Variants in CNBD1 observed in about 807,000 individuals in gnomAD.
CNBD1 encodes the protein cyclic nucleotide-binding domain-containing protein 1.
In CNBD1, 71 loss-of-function variants were observed where a neutral mutation model predicts 54.4. The ratio of observed to expected loss-of-function variants is 1.30; its 90% CI spans 1.08 to 1.59. The LOEUF (loss-of-function observed/expected upper bound fraction) is 1.59, where lower values mean the gene tolerates loss of function less well. CNBD1 is among the 40% of genes most tolerant of loss of function. The probability of loss-of-function intolerance (pLI) is 0.00; values close to 1 mark genes in which losing one functional copy is unlikely to be tolerated. For missense variants in CNBD1, 659 were observed against 518.0 expected (o/e 1.27, Z -2.64); for synonymous variants, 182 against 170.7 (o/e 1.07, Z -0.51).
At chr8:86,950,791 CTT>C (rs1807599059) in intron 4 of CNBD1, among the ~76,000 whole-genome samples, 1 of 152,004 alleles carries the variant, frequency 6.6e-6, no homozygotes, top group South Asian at 2.1e-4. Flanking sequence ...TACTGGGAGA[CTT>C]TTTATTACAG....
chr8:87,242,179 T>A (rs199544236), intron 6 of CNBD1, among the ~76,000 whole-genome samples: 1 of 152,174 alleles, frequency 6.6e-6, no homozygotes, highest in Non-Finnish European at 1.5e-5. Context: ...TGGAAGATAT[T>A]GAAGTATTTT....
At chr8:87,097,217 G>A (rs1300438412) in intron 4 of CNBD1, among the ~76,000 whole-genome samples, 1 of 151,962 alleles carries the variant, frequency 6.6e-6, no homozygotes, top group Non-Finnish European at 1.5e-5. Context: ...GATATCACAT[G>A]GTCCTTTTTA....
rs1002334450 is a variant in CNBD1 at position 87,042,088 on chromosome 8, A to G, written c.431+102334A>G. Among the ~76,000 whole-genome samples, 10 of 152,316 alleles carry G rather than the reference A, an allele frequency of 6.6e-5. No individual in the cohort carries two copies. The South Asian group carries it at 2.1e-3, about 32-fold the overall frequency. ...AAATTGAATTTGGGGCCTATGCAAA[A>G]GAGAGTTAAAGTTACTGCTCAACTT... is the stretch of plus-strand genomic sequence containing the variant. On this transcript the variant is annotated intron_variant, in intron 4 of 10. Coordinates refer to ENST00000518476, the MANE Select transcript of CNBD1 (RefSeq NM_173538.3).
chr8:87,120,796 A>T (rs1372943106), intron 4 of CNBD1, among the ~76,000 whole-genome samples: 4 of 151,934 alleles, frequency 2.6e-5, no homozygotes, highest in Non-Finnish European at 5.9e-5. Flanking sequence ...TATGTTGAAT[A>T]ACATTTAATG....
intron 10 of CNBD1, among the ~76,000 whole-genome samples, chr8:87,380,575 A>G (rs556913300): frequency 1.3e-5 from 2 of 152,162 alleles, no homozygotes; most frequent in South Asian, 2.1e-4. Context: ...GGATTTTAAT[A>G]GAAGTTTTAT....
At chr8:86,998,986 C>T (rs1009910116) in intron 4 of CNBD1, among the ~76,000 whole-genome samples, 4 of 152,280 alleles carry the variant, frequency 2.6e-5, no homozygotes, top group Admixed American at 6.5e-5. Flanking sequence ...CCATTTTTGA[C>T]CTTTTTGCCC....
At chr8:87,315,691 T>C (rs921836869) in intron 8 of CNBD1, among the ~76,000 whole-genome samples, 2 of 151,968 alleles carry the variant, frequency 1.3e-5, no homozygotes, top group African/African-American at 2.4e-5. Context: ...AATTTCAACA[T>C]GAGTTTTGGA....
At chr8:87,278,428 AC>A (rs944550717) in intron 6 of CNBD1, among the ~76,000 whole-genome samples, 7 of 151,652 alleles carry the variant, frequency 4.6e-5, no homozygotes, top group Non-Finnish European at 8.9e-5. Flanking sequence ...GTCAAAGTAG[AC>A]AAAAAAGAAA....
At chr8:86,996,588 T>C (rs777360227) in intron 4 of CNBD1, among the ~76,000 whole-genome samples, 6 of 152,214 alleles carry the variant, frequency 3.9e-5, no homozygotes, top group Non-Finnish European at 7.4e-5. Context: ...TTCCAGTTTT[T>C]AAAATCGACA....
chr8:87,126,928 T>C (rs1239836930), intron 4 of CNBD1, among the ~76,000 whole-genome samples: 2 of 152,004 alleles, frequency 1.3e-5, no homozygotes, highest in East Asian at 2.0e-4. Context: ...TGCATCTTTG[T>C]AGAAAATTTG....
chr8:87,379,658 A>G (rs1210778893), intron 10 of CNBD1, among the ~76,000 whole-genome samples: 1 of 152,034 alleles, frequency 6.6e-6, no homozygotes, highest in Non-Finnish European at 1.5e-5. Context: ...ATAAAAGTGC[A>G]TATTAAATTA....
At chr8:87,416,605 G>A (rs1329651333) in intron 2 of CNBD1, among the ~76,000 whole-genome samples, 1 of 151,918 alleles carries the variant, frequency 6.6e-6, no homozygotes, top group Non-Finnish European at 1.5e-5. Flanking sequence ...TTACATGTCT[G>A]GTCATTCTCT....
At chr8:86,959,182 T>A (rs1807862366) in intron 4 of CNBD1, among the ~76,000 whole-genome samples, 1 of 152,206 alleles carries the variant, frequency 6.6e-6, no homozygotes, top group Admixed American at 6.5e-5. Flanking sequence ...TGGCCTCCAC[T>A]CTCTTATGGC....
chr8:86,943,210 A>T (rs1807378057), intron 4 of CNBD1, among the ~76,000 whole-genome samples: 1 of 151,864 alleles, frequency 6.6e-6, no homozygotes, highest in African/African-American at 2.4e-5. Flanking sequence ...GTGAAACTCC[A>T]TCTCTATTAA....
At chr8:86,961,882 G>A (rs541867844) in intron 4 of CNBD1, among the ~76,000 whole-genome samples, 1 of 152,332 alleles carries the variant, frequency 6.6e-6, no homozygotes, top group South Asian at 2.1e-4. Flanking sequence ...TAACACATGT[G>A]TAACTACACA....
At chr8:86,922,361 G>T (rs1563822910) in intron 3 of CNBD1, among the ~76,000 whole-genome samples, 2 of 152,086 alleles carry the variant, frequency 1.3e-5, no homozygotes, top group Non-Finnish European at 2.9e-5. Context: ...AAAAGGCAAG[G>T]CGAGGGAGAA....
chr8:86,935,088 T>A (rs971401545), intron 3 of CNBD1, among the ~76,000 whole-genome samples: 2 of 152,056 alleles, frequency 1.3e-5, no homozygotes, highest in Non-Finnish European at 2.9e-5. Flanking sequence ...CAGGCTGGAG[T>A]GCAATGGCGT....
Position 87,353,746 on chromosome 8 carries a change from A to G in CNBD1, c.1263A>G (p.Lys421=), listed in dbSNP as rs923580200. ...VPFTCTIITK[K]EVEMAIIEDK... ...TCACGTGCACAATCATTACCAAAAA[A>G]GAAGTTGAGATGGCAATCATTGAAG... Residue 421 remains lysine (K), a synonymous_variant, in exon 10 of 11, where the codon AAA becomes AAG. Transcript: ENST00000518476. 7 of 1,611,180 alleles carry G rather than the reference A, an allele frequency of 4.3e-6. No homozygotes were observed. The highest frequency in any genetic ancestry group is 5.9e-6 in the Non-Finnish European group (7 of 1,178,676).
intron 10 of CNBD1, among the ~76,000 whole-genome samples, chr8:87,370,047 G>C (rs1810741142): frequency 6.6e-6 from 1 of 151,910 alleles, no homozygotes. Context: ...TCCCTACAAA[G>C]GACATGAACT....
Sources: allele counts gnomAD v4.1 joint callset (sites outside exome capture counted in the v4.1 genomes callset), GRCh38; gene constraint gnomAD v4.1.1; transcripts MANE v1.5; gene names NCBI Gene and HGNC (gene_info 2026-07-23, HGNC 2026-07-21).